The following OR3A2 variants were observed in gnomAD, a reference collection of about 807,000 sequenced individuals.
OR3A2 encodes olfactory receptor family 3 subfamily A member 2, also known as olfactory receptor 3A2.
For missense variants in OR3A2, 318 were observed against 392.8 expected (o/e 0.81, Z 1.61); for synonymous variants, 126 against 159.3 (o/e 0.79, Z 1.57).
chr17:3,278,887 C>A (rs199904690), exon 2 of OR3A2: 2 of 1,517,172 alleles, frequency 1.3e-6, no homozygotes, highest in Non-Finnish European at 1.8e-6. Context: ...TCAGCAACAG[C>A]GGTCCTATTG....
intron 2 of OR3A2, among the ~76,000 whole-genome samples, chr17:3,348,278 T>A (rs1403420726): frequency 6.6e-6 from 1 of 152,198 alleles, no homozygotes; most frequent in Non-Finnish European, 1.5e-5. Flanking sequence ...TTTTGGCTTT[T>A]GTTGCCATTG....
At chr17:3,360,552 T>C (rs1214588400) in intron 2 of OR3A2, among the ~76,000 whole-genome samples, 2 of 151,798 alleles carry the variant, frequency 1.3e-5, no homozygotes, top group Non-Finnish European at 2.9e-5. Flanking sequence ...TGGTTTTAGG[T>C]CTAACATTTA....
chr17:3,325,942 C>G (rs1178504037), intron 3 of OR3A2, among the ~76,000 whole-genome samples: 1 of 152,036 alleles, frequency 6.6e-6, no homozygotes, highest in Non-Finnish European at 1.5e-5. Context: ...GCTCTCCCTT[C>G]CCCTACTCCC....
In OR3A2 at chr17:3,337,801, G is replaced by T. The variant is rs562158187; in HGVS notation, c.-178-1675C>A. ...TGGGGTATATACCCAGTAATGGGAT[G>T]GCTGGGTCAAATGGTATTTCTAGTT... is the stretch of plus-strand genomic sequence containing the variant. On this transcript the variant is annotated intron_variant, in intron 2 of 4. Coordinates refer to the OR3A2 transcript ENST00000573491. Among the ~76,000 whole-genome samples the T allele has an allele frequency of 1.7e-3, 264 of 152,256 alleles. 1 individual carries two copies. The highest frequency in any genetic ancestry group is 5.8e-3 in the African/African-American group (240 of 41,558).
At chr17:3,379,993 C>T (rs372323229) in intron 2 of OR3A2, among the ~76,000 whole-genome samples, 1 of 152,188 alleles carries the variant, frequency 6.6e-6, no homozygotes, top group Non-Finnish European at 1.5e-5. Flanking sequence ...CCAGTGGTTT[C>T]AGAGGCCACC....
At position 3,370,836 on chromosome 17, in the gene OR3A2, G is replaced by C. The variant is rs1294765079; in HGVS notation, c.-179+12968C>G. 2.0e-5 allele frequency among the ~76,000 whole-genome samples: 3 copies of C among 151,662 alleles called. No homozygotes were observed. In the East Asian group the frequency reaches 5.8e-4, roughly 29 times the overall value. ...AGGGAGTGGTGATGACTCTTAACGAGCATGCTGCCTTCAAGCATCTGTTTA... is the reference window on the plus strand; with the variant it reads ...AGGGAGTGGTGATGACTCTTAACGACCATGCTGCCTTCAAGCATCTGTTTA... On this transcript the variant is annotated intron_variant, in intron 2 of 4. Transcript: ENST00000573491.
intron 3 of OR3A2, among the ~76,000 whole-genome samples, chr17:3,332,964 C>T (rs901854477): frequency 1.3e-5 from 2 of 152,058 alleles, no homozygotes; most frequent in African/African-American, 2.4e-5. Flanking sequence ...AGAATAACAG[C>T]GATTTTAAGG....
chr17:3,346,747 A>G (rs907668344), intron 2 of OR3A2, among the ~76,000 whole-genome samples: 5 of 151,916 alleles, frequency 3.3e-5, no homozygotes, highest in African/African-American at 1.2e-4. Flanking sequence ...TATGAGGTCA[A>G]TTGTTTTGAT....
chr17:3,315,761 G>T (rs1021959927), intron 3 of OR3A2, among the ~76,000 whole-genome samples: 1 of 89,232 alleles, frequency 1.1e-5, no homozygotes, highest in African/African-American at 5.5e-5. Flanking sequence ...TGGGGGGGGG[G>T]GCGGTAGTAA....
intron 3 of OR3A2, among the ~76,000 whole-genome samples, chr17:3,333,376 G>A (rs1567558463): frequency 6.6e-6 from 1 of 152,166 alleles, no homozygotes. Context: ...ACCCTCATCA[G>A]TAATTCTAAT....
Position 3,353,233 on chromosome 17 carries a change from C to T in OR3A2, c.-178-17107G>A, listed in dbSNP as rs542604773. On this transcript the variant is annotated intron_variant, in intron 2 of 4. Coordinates refer to the OR3A2 transcript ENST00000573491. ...GCAACAGTGAATTAGAGAATGCTTT[C>T]CCTGAATCTTTGCCCAATAGTTCTA... Among the ~76,000 whole-genome samples, 43 of 151,610 alleles carry T rather than the reference C, an allele frequency of 2.8e-4. No individual in the cohort carries two copies. In the South Asian group the frequency reaches 8.7e-3, roughly 31 times the overall value.
At chr17:3,353,930 T>C (rs1213851268) in intron 2 of OR3A2, among the ~76,000 whole-genome samples, 1 of 151,378 alleles carries the variant, frequency 6.6e-6, no homozygotes, top group African/African-American at 2.4e-5. Context: ...TTTGTACCCA[T>C]TAACCATTCC....
intron 2 of OR3A2, among the ~76,000 whole-genome samples, chr17:3,371,218 C>T (rs230480): frequency 9.2e-5 from 14 of 151,782 alleles, no homozygotes; most frequent in African/African-American, 3.1e-4. Flanking sequence ...CCTCACCTCC[C>T]GGGTGGGGCG....
At chr17:3,330,404 G>C (rs565339098) in intron 3 of OR3A2, among the ~76,000 whole-genome samples, 27 of 150,592 alleles carry the variant, frequency 1.8e-4, no homozygotes, top group African/African-American at 6.4e-4. Context: ...TCCTGTATTG[G>C]GTACATATAT....
intron 2 of OR3A2, among the ~76,000 whole-genome samples, chr17:3,337,217 ATTCAC>A (rs1456873596): frequency 6.6e-6 from 1 of 152,214 alleles, no homozygotes; most frequent in Non-Finnish European, 1.5e-5. Flanking sequence ...GATTAAGTAT[ATTCAC>A]TTTTTTGTGC....
At chr17:3,376,593 C>T (rs1033846926) in intron 2 of OR3A2, among the ~76,000 whole-genome samples, 22 of 152,156 alleles carry the variant, frequency 1.4e-4, no homozygotes, top group Admixed American at 6.5e-4. Context: ...ACAGGTGTCA[C>T]CCAGCTTCCA....
intron 2 of OR3A2, among the ~76,000 whole-genome samples, chr17:3,364,328 A>T (rs2049545174): frequency 6.6e-6 from 1 of 152,214 alleles, no homozygotes; most frequent in Admixed American, 6.5e-5. Context: ...CTCACTTCCA[A>T]TATTTATCAT....
At chr17:3,282,571 G>A (rs1401560158) in intron 1 of OR3A2, among the ~76,000 whole-genome samples, 2 of 152,218 alleles carry the variant, frequency 1.3e-5, no homozygotes, top group Non-Finnish European at 2.9e-5. Flanking sequence ...AGGCCACGGG[G>A]AAGCTGCAGA....
chr17:3,284,338 G>A lies in OR3A2; in HGVS notation c.-7+20C>T, dbSNP rs2048794511. ...TCTCTATCTTGCAGGAGCAGAGGAAGGACTCAGGAGAACACTCACCCTGGC... is the reference window on the plus strand; with the variant it reads ...TCTCTATCTTGCAGGAGCAGAGGAAAGACTCAGGAGAACACTCACCCTGGC... On this transcript the variant is annotated intron_variant, in intron 1 of 1. Transcript: ENST00000642052. 6.6e-6 allele frequency: 1 copy of A among 152,206 alleles called. No individual in the cohort carries two copies. Among genetic ancestry groups the A allele is most frequent in the South Asian group, 2.1e-4 (1 of 4,840 alleles). 9.4% of individuals were successfully genotyped at this position (152,206 alleles called of 1,614,324 possible). A position where few individuals can be genotyped will look rare whatever the true frequency, so the allele number is the denominator to read the frequency against.
Sources: allele counts gnomAD v4.1 joint callset (sites outside exome capture counted in the v4.1 genomes callset), GRCh38; gene constraint gnomAD v4.1.1; transcripts MANE v1.5; gene names NCBI Gene and HGNC (gene_info 2026-07-23, HGNC 2026-07-21).